MBNL1: variants seen among roughly 807,000 people sequenced by gnomAD.
MBNL1 encodes the protein muscleblind-like protein 1.
A neutral mutation model predicts 42.2 loss-of-function variants in MBNL1; 8 were observed. The observed-to-expected ratio is 0.19, with a 90% CI of 0.11 to 0.34. MBNL1 has a LOEUF of 0.34. MBNL1 is among the 10% of genes least tolerant of loss of function. The pLI is 1.00. For synonymous variants in MBNL1, 169 were observed against 173.9 expected (o/e 0.97, Z 0.22); for missense variants, 309 against 495.3 (o/e 0.62, Z 3.57).
chr3:152,370,670 A>G (rs1471610157), intron 2 of MBNL1, among the ~76,000 whole-genome samples: 2 of 152,042 alleles, frequency 1.3e-5, no homozygotes, highest in African/African-American at 4.8e-5. Flanking sequence ...TTGCTTATGA[A>G]TTGGGTGCTT....
At chr3:152,386,643 G>A (rs1372793210) in intron 2 of MBNL1, among the ~76,000 whole-genome samples, 16 of 151,854 alleles carry the variant, frequency 1.1e-4, no homozygotes, top group Non-Finnish European at 4.4e-5. Context: ...TCAACATCCC[G>A]TTGGTGTGTC....
chr3:152,305,943 T>C (rs1385124987), intron 2 of MBNL1, among the ~76,000 whole-genome samples: 1 of 152,234 alleles, frequency 6.6e-6, no homozygotes. Context: ...AAGTTTGATT[T>C]TTTTGCTAGC....
chr3:152,329,823 G>T (rs1247887402), intron 2 of MBNL1, among the ~76,000 whole-genome samples: 1 of 149,978 alleles, frequency 6.7e-6, no homozygotes, highest in African/African-American at 2.4e-5. Context: ...AACCATTGTG[G>T]ATATCATGGG....
At chr3:152,458,971 G>A in intron 8 of MBNL1, 1 of 213,238 alleles carries the variant, frequency 4.7e-6, no homozygotes. Flanking sequence ...GTGTGTGTGT[G>A]TGTAGGCCAA....
upstream of MBNL1, chr3:152,263,635 C>T (rs1252422472): frequency 6.6e-6 from 1 of 152,204 alleles, no homozygotes; most frequent in African/African-American, 2.4e-5. Context: ...CAGTGGTGGA[C>T]TTCATGCAGT....
rs148473821 is a variant in MBNL1 at position 152,357,526 on chromosome 3, G to A, written c.174+57159G>A. ...TTATAGGAGCAGGGAAATCAGCCAC[G>A]GGTGGGTGTGGGCAGGAATGGTTAA... On this transcript the variant is annotated intron_variant, in intron 2 of 9. Transcript: ENST00000324210. Among the ~76,000 whole-genome samples, 266 of 152,234 alleles carry A rather than the reference G, an allele frequency of 1.7e-3. 3 individuals are homozygous for A. Among genetic ancestry groups the A allele is most frequent in the African/African-American group, 6.3e-3 (260 of 41,524 alleles).
At chr3:152,334,292 T>C (rs1243082185) in intron 2 of MBNL1, among the ~76,000 whole-genome samples, 1 of 152,214 alleles carries the variant, frequency 6.6e-6, no homozygotes, top group Non-Finnish European at 1.5e-5. Context: ...ATTTTACTTA[T>C]CCTTTGTTGA....
At chr3:152,456,491 T>C (rs1734014996) in intron 8 of MBNL1, 130 bp downstream of exon 8, 1 of 720,674 alleles carries the variant, frequency 1.4e-6, no homozygotes, top group South Asian at 1.6e-5. Context: ...TAGAGGGTGC[T>C]TTAATAAGCA....
chr3:152,256,100 T>G (rs2035411588), intron 2 of MBNL1, among the ~76,000 whole-genome samples: 1 of 152,174 alleles, frequency 6.6e-6, no homozygotes, highest in African/African-American at 2.4e-5. Context: ...GAATGACCAT[T>G]ATCTCTGGCT....
intron 2 of MBNL1, among the ~76,000 whole-genome samples, chr3:152,345,295 T>A (rs2152906314): frequency 6.6e-6 from 1 of 152,232 alleles, no homozygotes; most frequent in Non-Finnish European, 1.5e-5. Context: ...ATCCTGGATG[T>A]GTCCTTGGCA....
At chr3:152,257,527 T>C (rs536763002) in intron 2 of MBNL1, among the ~76,000 whole-genome samples, 2 of 152,230 alleles carry the variant, frequency 1.3e-5, no homozygotes, top group East Asian at 1.9e-4. Flanking sequence ...AAAGTGTAAA[T>C]GTTATTCTTT....
intron 2 of MBNL1, among the ~76,000 whole-genome samples, chr3:152,252,134 A>ACCTTCCCT (rs2034661704): frequency 9.7e-6 from 1 of 102,836 alleles, no homozygotes. Context: ...AAACTAACCT[A>ACCTTCCCT]CCTTCCTTCC....
intron 2 of MBNL1, among the ~76,000 whole-genome samples, chr3:152,359,079 T>C (rs913607112): frequency 1.8e-4 from 27 of 152,334 alleles, no homozygotes; most frequent in African/African-American, 6.0e-4. Flanking sequence ...TAAAACCTTA[T>C]ATCCCTGAAA....
chr3:152,325,087 G>GCCCTCC (rs1553824973), intron 2 of MBNL1, among the ~76,000 whole-genome samples: 1 of 15,368 alleles, frequency 6.5e-5, no homozygotes, highest in Non-Finnish European at 1.4e-4. Flanking sequence ...CCACATACCC[G>GCCCTCC]CCCCCCCCCG....
At chr3:152,369,893 TTC>T (rs1174785414) in intron 2 of MBNL1, among the ~76,000 whole-genome samples, 1 of 152,208 alleles carries the variant, frequency 6.6e-6, no homozygotes, top group Non-Finnish European at 1.5e-5. Context: ...TATTTGATTC[TTC>T]TCTCTTTTCT....
chr3:152,293,518 C>T (rs765138267), intron 1 of MBNL1, among the ~76,000 whole-genome samples: 8 of 152,110 alleles, frequency 5.3e-5, no homozygotes, highest in Non-Finnish European at 8.8e-5. Context: ...TTGTTGACAC[C>T]AGTGAGCCAG....
chr3:152,456,483 G>A, intron 8 of MBNL1, 122 bp downstream of exon 8: 1 of 772,742 alleles, frequency 1.3e-6, no homozygotes, highest in South Asian at 1.5e-5. Flanking sequence ...GAGGGCTGTA[G>A]AGGGTGCTTT....
chr3:152,302,162 T>G (rs1470182159), intron 2 of MBNL1: 1 of 152,182 alleles, frequency 6.6e-6, no homozygotes, highest in African/African-American at 2.4e-5. Flanking sequence ...GTTAACAAGA[T>G]TCAACTGCCA....
In MBNL1 at chr3:152,445,432, T is replaced by A. The variant is rs2099208741; in HGVS notation, c.700T>A (p.Cys234Ser). 6.2e-7 allele frequency: 1 copy of A among 1,613,980 alleles called. No individual in the cohort carries two copies. Residue 234 changes from cysteine (C) to serine (S), a missense_variant, in exon 5 of 10, where the codon TGC (cysteine) becomes AGC (serine). Physicochemically the swap from Cys to Ser is moderately radical, Grantham distance 112. Coordinates refer to ENST00000324210, the MANE Select transcript of MBNL1 (RefSeq NM_021038.5). The stretch of plus-strand genomic sequence containing the variant: ...CAAAGGGAGATGCTCTCGGGAAAAG[T>A]GCAAATACTTTCATCCCCCTGCACA... ...YIKGRCSREKCKYFHPPAHLQ... is the reference protein window; with the variant it reads ...YIKGRCSREKSKYFHPPAHLQ...
Sources: gnomAD v4.1 joint callset for allele counts (sites outside exome capture counted in the v4.1 genomes callset) on GRCh38, gnomAD v4.1.1 for gene constraint, MANE v1.5 for transcripts, NCBI Gene and HGNC (gene_info 2026-07-23, HGNC 2026-07-21) for gene names.